TLL1: variants seen among roughly 807,000 people sequenced by gnomAD.
TLL1 encodes tolloid like 1, also known as tolloid-like protein 1.
TLL1 carries 49 observed loss-of-function variants against 128.2 expected under a neutral mutation model. That is an observed-to-expected ratio of 0.38 (90% confidence interval 0.30 to 0.48). The LOEUF (loss-of-function observed/expected upper bound fraction) is 0.48. TLL1 is among the 20% of genes least tolerant of loss of function. The pLI, the probability that TLL1 is intolerant of heterozygous loss-of-function variation, is 0.96. For missense variants in TLL1, 1,123 were observed against 1,242.0 expected, an observed-to-expected ratio of 0.90 and a Z score of 1.44; for synonymous variants, 454 against 418.8, an observed-to-expected ratio of 1.08 and a Z score of -1.03.
chr4:165,906,223 T>G (rs1276687329), intron 1 of TLL1, among the ~76,000 whole-genome samples: 1 of 152,194 alleles, frequency 6.6e-6, no homozygotes, highest in Non-Finnish European at 1.5e-5. Flanking sequence ...TTTTCGGCCC[T>G]TTAAGAAAAT....
At chr4:166,014,583 G>C in intron 8 of TLL1, 23 bp downstream of exon 8, 1 of 1,610,096 alleles carries the variant, frequency 6.2e-7, no homozygotes, top group East Asian at 2.2e-5. Flanking sequence ...ACAAACACAA[G>C]AGCATGACTG....
intron 1 of TLL1, among the ~76,000 whole-genome samples, chr4:165,964,407 A>C (rs980291705): frequency 3.9e-5 from 6 of 152,222 alleles, no homozygotes; most frequent in African/African-American, 1.4e-4. Context: ...TAAAGTATCA[A>C]CACTTAATGC....
intron 16 of TLL1, among the ~76,000 whole-genome samples, chr4:166,066,573 C>A (rs948911900): frequency 6.6e-6 from 1 of 151,740 alleles, no homozygotes; most frequent in East Asian, 1.9e-4. Context: ...CAATTTAGAG[C>A]AACTGAATTC....
At chr4:165,885,302 G>C (rs369529363) in intron 1 of TLL1, among the ~76,000 whole-genome samples, 12 of 152,018 alleles carry the variant, frequency 7.9e-5, no homozygotes, top group African/African-American at 2.7e-4. Flanking sequence ...TCTGAATCCT[G>C]GTGTCTCTGA....
intron 1 of TLL1, among the ~76,000 whole-genome samples, chr4:165,968,264 T>C (rs924030954): frequency 1.3e-5 from 2 of 152,214 alleles, no homozygotes; most frequent in African/African-American, 4.8e-5. Flanking sequence ...TTTCAGAGGT[T>C]GTTTTGACTA....
At chr4:165,973,987 C>T (rs1453692691) in intron 1 of TLL1, among the ~76,000 whole-genome samples, 1 of 151,644 alleles carries the variant, frequency 6.6e-6, no homozygotes, top group Admixed American at 6.6e-5. Context: ...TTAATAGGAT[C>T]AGAGAAGTCT....
intron 1 of TLL1, among the ~76,000 whole-genome samples, chr4:165,925,599 G>C (rs1186911584): frequency 6.6e-6 from 1 of 152,166 alleles, no homozygotes; most frequent in Non-Finnish European, 1.5e-5. Context: ...TTGTTGACAT[G>C]ACAACAAAAA....
intron 12 of TLL1, among the ~76,000 whole-genome samples, chr4:166,054,560 C>T (rs1739911646): frequency 7.3e-6 from 1 of 136,662 alleles, no homozygotes; most frequent in Non-Finnish European, 1.6e-5. Flanking sequence ...TGCTATCCCT[C>T]CTCCCTCCCC....
At chr4:165,964,286 G>A (rs777564247) in intron 1 of TLL1, among the ~76,000 whole-genome samples, 3 of 152,126 alleles carry the variant, frequency 2.0e-5, no homozygotes, top group African/African-American at 4.8e-5. Context: ...AGGCTGTTGT[G>A]TAAAATTATT....
At chr4:165,878,592 A>G (rs1002295492) in intron 1 of TLL1, among the ~76,000 whole-genome samples, 1 of 152,036 alleles carries the variant, frequency 6.6e-6, no homozygotes, top group Non-Finnish European at 1.5e-5. Flanking sequence ...TTTCCTAAAT[A>G]TATTCCCTCA....
intron 8 of TLL1, among the ~76,000 whole-genome samples, chr4:166,022,021 T>G (rs1026063279): frequency 2.6e-5 from 4 of 152,220 alleles, no homozygotes; most frequent in Non-Finnish European, 4.4e-5. Context: ...TAATATTTCC[T>G]TATTTAAACA....
chr4:166,004,950 G>A (rs1225014297), intron 6 of TLL1, among the ~76,000 whole-genome samples: 2 of 130,318 alleles, frequency 1.5e-5, no homozygotes, highest in Non-Finnish European at 3.4e-5. Flanking sequence ...GGGTGGTGGC[G>A]GGGGGGTGCC....
At chr4:165,976,853 G>A (rs560612357) in intron 1 of TLL1, among the ~76,000 whole-genome samples, 34 of 152,298 alleles carry the variant, frequency 2.2e-4, no homozygotes, top group Admixed American at 3.9e-4. Flanking sequence ...GCCCAGGATG[G>A]CTTTGGATGC....
At chr4:166,055,997 G>A (rs936828701) in intron 13 of TLL1, among the ~76,000 whole-genome samples, 5 of 152,126 alleles carry the variant, frequency 3.3e-5, no homozygotes, top group African/African-American at 7.2e-5. Flanking sequence ...TAAAGGATTC[G>A]ATTGTGTATT....
At chr4:166,011,885 T>A (rs1166295342) in intron 7 of TLL1, among the ~76,000 whole-genome samples, 1 of 151,550 alleles carries the variant, frequency 6.6e-6, no homozygotes, top group African/African-American at 2.4e-5. Context: ...TCAGCTAACA[T>A]GATCATATGG....
intron 8 of TLL1, among the ~76,000 whole-genome samples, chr4:166,024,297 A>G (rs376183191): frequency 9.9e-5 from 15 of 152,204 alleles, no homozygotes; most frequent in African/African-American, 3.6e-4. Context: ...CTTTAACACA[A>G]GCTAGAAGAT....
In TLL1 at chr4:166,027,084, G is replaced by A. The variant is rs970038095; in HGVS notation, c.1158+1653G>A. On this transcript the variant is annotated intron_variant, in intron 9 of 20. Transcript: ENST00000061240. ...TAAAAAAGAATGAACTCATGTCCTT[G>A]TAGCAACATAGATGGAGCTAAAAGG... Among the ~76,000 whole-genome samples the A allele has an allele frequency of 2.6e-5, 4 of 152,268 alleles. No individual in the cohort carries two copies. In the South Asian group the frequency reaches 6.2e-4, roughly 24 times the overall value.
intron 1 of TLL1, among the ~76,000 whole-genome samples, chr4:165,893,909 A>G (rs1189474402): frequency 6.6e-6 from 1 of 152,204 alleles, no homozygotes; most frequent in Non-Finnish European, 1.5e-5. Context: ...AAAAAGACTT[A>G]TTGAAATATA....
At chr4:166,042,273 TATTC>T (rs1226669012) in intron 11 of TLL1, 130 bp downstream of exon 11, 1 of 661,630 alleles carries the variant, frequency 1.5e-6, no homozygotes, top group Non-Finnish European at 2.7e-6. Flanking sequence ...TGTATTATAA[TATTC>T]ATACAGATAA....
Sources: allele counts gnomAD v4.1 joint callset (sites outside exome capture counted in the v4.1 genomes callset), GRCh38; gene constraint gnomAD v4.1.1; transcripts MANE v1.5; gene names NCBI Gene and HGNC (gene_info 2026-07-23, HGNC 2026-07-21).